Variants in NPHP3 observed in about 807,000 individuals in gnomAD.
NPHP3 encodes nephrocystin-3.
A neutral mutation model predicts 171.9 loss-of-function variants in NPHP3; 123 were observed. The observed-to-expected ratio is 0.72, with a 90% confidence interval of 0.62 to 0.83. The LOEUF (loss-of-function observed/expected upper bound fraction) is 0.83, where lower values mean the gene tolerates loss of function less well. Ranked by LOEUF, NPHP3 falls within the 40% of genes least tolerant of loss-of-function variation. NPHP3 has a pLI of 0.00. For missense variants in NPHP3, 1,506 were observed against 1,591.9 expected (o/e 0.95, Z 0.92); for synonymous variants, 558 against 579.2 (o/e 0.96, Z 0.52).
chr3:132,722,107 C>G lies in NPHP3; in HGVS notation c.249G>C (p.Glu83Asp), dbSNP rs1940246811. 1 of 1,607,528 alleles carries G rather than the reference C, an allele frequency of 6.2e-7. No individual in the cohort carries two copies. The highest frequency in any genetic ancestry group is 2.2e-5 in the East Asian group (1 of 44,800). The change falls in exon 1 of 27, where the codon GAG becomes GAC. Residue 83 changes from glutamate (E) to aspartate (D), a missense_variant. Physicochemically the swap from Glu to Asp is conservative, Grantham distance 45. Around this residue, in one of 3 missense-constraint regions of NPHP3, gnomAD observed 930 missense variants for 924.9 expected, o/e 1.01. Coordinates refer to ENST00000337331, the MANE Select transcript of NPHP3 (RefSeq NM_153240.5). The stretch of plus-strand genomic sequence containing the variant: ...CGTACTCGGCCGCCGCGTACTCCAG[C>G]TCTGGCACCGACGAGCCAGTGGACT... ...SFKSTGSSVPELEYAAAEYER... is the reference protein window; with the variant it reads ...SFKSTGSSVPDLEYAAAEYER...
chr3:132,695,315 C>T (rs1040086669), intron 15 of NPHP3, among the ~76,000 whole-genome samples: 12 of 152,002 alleles, frequency 7.9e-5, no homozygotes, highest in Non-Finnish European at 1.6e-4. Context: ...TGTTAGTTAG[C>T]CATGCAAATT....
rs754952791 is a variant in NPHP3, at chr3:132,722,369, G to A, written c.-14C>T. ...GGCGGTCCCCATGGCGTCCGTTGCC[G>A]CTACTACCTAGTGAGTACCAGCAGG... On this transcript the variant is annotated 5_prime_UTR_variant, in exon 1 of 27. Coordinates refer to ENST00000337331, the MANE Select transcript of NPHP3 (RefSeq NM_153240.5). 1 of 1,575,012 alleles carries A rather than the reference G, an allele frequency of 6.3e-7. No homozygotes were observed.
At chr3:132,707,771 G>A (rs1939793310) in intron 7 of NPHP3, among the ~76,000 whole-genome samples, 1 of 152,002 alleles carries the variant, frequency 6.6e-6, no homozygotes, top group Non-Finnish European at 1.5e-5. Flanking sequence ...CTCAGACTCT[G>A]CACACTACCC....
Position 132,703,439 on chromosome 3 carries a change from G to A in NPHP3, c.1524+759C>T, listed in dbSNP as rs558595858. ...ATAATTTGTTTAGATATTTAAGGATGTTGATAAGACTGATAAAGAAGGACT... is the reference window on the plus strand; with the variant it reads ...ATAATTTGTTTAGATATTTAAGGATATTGATAAGACTGATAAAGAAGGACT... On this transcript the variant is annotated intron_variant, in intron 9 of 26. Coordinates refer to ENST00000337331, the MANE Select transcript of NPHP3 (RefSeq NM_153240.5). 7.2e-5 allele frequency among the ~76,000 whole-genome samples: 11 copies of A among 152,244 alleles called. No homozygotes were observed. In the East Asian group the frequency reaches 2.1e-3, roughly 29 times the overall value.
chr3:132,684,453 T>A, intron 24 of NPHP3, 101 bp downstream of exon 24: 6 of 1,222,522 alleles, frequency 4.9e-6, no homozygotes, highest in Non-Finnish European at 7.2e-6. Context: ...AAAGCTCATA[T>A]AAACTAACCT....
At chr3:132,719,997 A>T (rs1940164266) in intron 1 of NPHP3, among the ~76,000 whole-genome samples, 167 bp from the exon 2 acceptor site, 1 of 152,124 alleles carries the variant, frequency 6.6e-6, no homozygotes, top group Non-Finnish European at 1.5e-5. Flanking sequence ...TTTATTCAAA[A>T]CATGATGGAA....
intron 3 of NPHP3, chr3:132,717,132 G>A: frequency 4.1e-6 from 2 of 483,830 alleles, no homozygotes; most frequent in Non-Finnish European, 3.7e-6. Context: ...ATTAAAAAGA[G>A]AAAGATGAAA....
intron 23 of NPHP3, chr3:132,685,185 G>A (rs905027688): frequency 3.0e-5 from 7 of 233,186 alleles, no homozygotes; most frequent in African/African-American, 7.0e-5. Context: ...GTATGTGTGC[G>A]TGTGTGTAAC....
rs764570299 is a variant in NPHP3, at chr3:132,697,337, G to T, written c.2011C>A (p.Pro671Thr). The change falls in exon 14 of 27, where the codon CCC (proline) becomes ACC (threonine). Residue 671 changes from proline to threonine, a missense_variant. Around this residue, in one of 3 missense-constraint regions of NPHP3, gnomAD observed 930 missense variants for 924.9 expected, o/e 1.01. Coordinates refer to ENST00000337331, the MANE Select transcript of NPHP3 (RefSeq NM_153240.5). ...WRLWPTLHLDPLSPKDAKSII... is the reference protein window; with the variant it reads ...WRLWPTLHLDTLSPKDAKSII... ...GATTTTGCATCTTTTGGACTTAAGG[G>T]ATCAAGATGAAGTGTAGGCCACAAC... 6.2e-7 allele frequency: 1 copy of T among 1,611,162 alleles called. No homozygotes were observed. Among genetic ancestry groups the T allele is most frequent in the East Asian group, 2.2e-5 (1 of 44,784 alleles).
chr3:132,721,688 G>T (rs1255218097), intron 1 of NPHP3: 4 of 640,838 alleles, frequency 6.2e-6, no homozygotes, highest in Middle Eastern at 2.6e-4. Context: ...TGTAATCCCA[G>T]AACTTTAGGA....
chr3:132,690,426 A>G (rs920697118), intron 19 of NPHP3, 102 bp downstream of exon 19: 2 of 1,105,342 alleles, frequency 1.8e-6, no homozygotes, highest in Non-Finnish European at 2.7e-6. Context: ...TATTTCAGAT[A>G]CTTAGACTAA....
Position 132,711,297 on chromosome 3 carries a change from A to T in NPHP3, c.1118+1829T>A, listed in dbSNP as rs147949002. On this transcript the variant is annotated intron_variant, in intron 6 of 26. Transcript: ENST00000337331. ...TAAAATAATAAGCAACTGGAATAAG[A>T]AAAGTTTAAGTAAAATAAAGCCAAA... 4.8e-3 allele frequency among the ~76,000 whole-genome samples: 725 copies of T among 152,328 alleles called. 4 individuals are homozygous for T. The highest frequency in any genetic ancestry group is 0.014 in the African/African-American group (571 of 41,582).
chr3:132,687,325 G>A (rs1303826046), intron 21 of NPHP3, 99 bp from the exon 22 acceptor site: 1 of 635,888 alleles, frequency 1.6e-6, no homozygotes, highest in Non-Finnish European at 2.8e-6. Flanking sequence ...GTCTTTTTGG[G>A]CTATTAAATA....
Position 132,714,974 on chromosome 3 carries a change from C to T in NPHP3, c.957+111G>A, listed in dbSNP as rs747920799. 7.0e-6 allele frequency: 6 copies of T among 859,092 alleles called. No homozygotes were observed. In the South Asian group the frequency reaches 7.9e-5, roughly 11 times the overall value. The allele number at this position is 859,092 out of a possible 1,614,324, so 53.2% of individuals were successfully genotyped here. A position where few individuals can be genotyped will look rare whatever the true frequency, so the allele number is the denominator to read the frequency against. The stretch of plus-strand genomic sequence containing the variant: ...CCAAGACGCTTCCTGTTCTTTAAGA[C>T]ATATAATCTAGTAGGAAACTATTTG... On this transcript the variant is annotated intron_variant, in intron 5 of 26. Transcript: ENST00000337331.
At chr3:132,696,884 C>T (rs1939467770) in intron 14 of NPHP3, 71 bp from the exon 15 acceptor site, 13 of 1,199,146 alleles carry the variant, frequency 1.1e-5, no homozygotes, top group Non-Finnish European at 1.2e-6. Context: ...GTCTTTACTA[C>T]CCAGCCATCA....
chr3:132,697,668 A>G (rs1939491418), intron 13 of NPHP3, among the ~76,000 whole-genome samples: 1 of 152,230 alleles, frequency 6.6e-6, no homozygotes, highest in Non-Finnish European at 1.5e-5. Flanking sequence ...AAGCATAGGT[A>G]TGAGTATCTA....
At chr3:132,699,769 A>T in intron 12 of NPHP3, 149 bp downstream of exon 12, 1 of 822,956 alleles carries the variant, frequency 1.2e-6, no homozygotes, top group Non-Finnish European at 1.9e-6. Context: ...ATATTTTTTT[A>T]ATCCATGTTA....
intron 2 of NPHP3, among the ~76,000 whole-genome samples, 188 bp from the exon 3 acceptor site, chr3:132,719,332 G>C (rs1451046834): frequency 1.3e-5 from 2 of 152,142 alleles, no homozygotes; most frequent in African/African-American, 4.8e-5. Flanking sequence ...TGGAATTCCA[G>C]CAGGATGCGT....
rs1268939572 is a variant in NPHP3 at position 132,691,246 on chromosome 3, G to C, written c.2516C>G (p.Thr839Ser). 1.8e-5 allele frequency: 29 copies of C among 1,613,274 alleles called. No homozygotes were observed. The highest frequency in any genetic ancestry group is 2.4e-5 in the Non-Finnish European group (28 of 1,179,490). The change falls in exon 18 of 27, where the codon ACT (threonine) becomes AGT (serine). Residue 839 changes from threonine to serine, a missense_variant. Around this residue, in one of 3 missense-constraint regions of NPHP3, gnomAD observed 569 missense variants for 648.1 expected, o/e 0.88. Coordinates refer to ENST00000337331, the MANE Select transcript of NPHP3 (RefSeq NM_153240.5). The stretch of plus-strand genomic sequence containing the variant: ...CTTTTGCCTGTATGAAGAAGTAACA[G>C]TGGGGCCTTCCAGGTACTCCAATCT... ...TVRLEYLEGP[T>S]VTSSYRQKLI...
Sources: gnomAD v4.1 joint callset for allele counts (sites outside exome capture counted in the v4.1 genomes callset) on GRCh38, gnomAD v4.1.1 for gene constraint, gnomAD v4.1.1 regional missense constraint, MANE v1.5 for transcripts, NCBI Gene and HGNC (gene_info 2026-07-23, HGNC 2026-07-21) for gene names.